ABR: variants seen among roughly 807,000 people sequenced by gnomAD.
ABR encodes the protein ABR activator of RhoGEF and GTPase.
Under a neutral mutation model 107.2 loss-of-function variants are expected in ABR, and 35 were observed. That is an observed-to-expected ratio of 0.33 (90% confidence interval 0.25 to 0.43). The LOEUF (loss-of-function observed/expected upper bound fraction) is 0.43, where lower values mean the gene tolerates loss of function less well. Ranked by LOEUF, ABR falls within the 20% of genes least tolerant of loss-of-function variation. The pLI is 1.00. For synonymous variants in ABR, 498 were observed against 462.0 expected (o/e 1.08, Z -1.00); for missense variants, 815 against 1,115.2 (o/e 0.73, Z 3.83).
At chr17:1,080,385 T>A (rs960648162) in intron 5 of ABR, among the ~76,000 whole-genome samples, 1 of 152,174 alleles carries the variant, frequency 6.6e-6, no homozygotes, top group African/African-American at 2.4e-5. Context: ...AGCCTCTTTA[T>A]CCTCCTTTAG....
At chr17:1,137,539 C>T (rs992389285) in intron 1 of ABR, among the ~76,000 whole-genome samples, 1 of 152,122 alleles carries the variant, frequency 6.6e-6, no homozygotes, top group Non-Finnish European at 1.5e-5. Context: ...TGAAGGTTGC[C>T]GGGTCCGGTC....
intron 2 of ABR, among the ~76,000 whole-genome samples, chr17:1,105,003 CTTTT>C (rs748696872): frequency 8.0e-6 from 1 of 125,762 alleles, no homozygotes; most frequent in African/African-American, 3.2e-5. Flanking sequence ...TTTACAGTAA[CTTTT>C]TTTTTTTTTT....
At chr17:1,212,095 A>C (rs989287940) in intron 1 of ABR, among the ~76,000 whole-genome samples, 2 of 149,458 alleles carry the variant, frequency 1.3e-5, no homozygotes, top group South Asian at 2.1e-4. Flanking sequence ...AAAAAAAAAA[A>C]ATTACTATAA....
chr17:1,117,989 C>T (rs1378080571), intron 2 of ABR, among the ~76,000 whole-genome samples: 998 of 35,740 alleles, frequency 0.028, 3 homozygotes, highest in Admixed American at 0.039. Context: ...GCCTGAGTTC[C>T]TCCCAGCGTT....
intron 1 of ABR, among the ~76,000 whole-genome samples, chr17:1,163,283 C>T (rs963127702): frequency 6.6e-6 from 1 of 152,196 alleles, no homozygotes; most frequent in East Asian, 1.9e-4. Context: ...TCAATCGCAT[C>T]GTGATTTTTT....
chr17:1,145,340 G>A (rs1330627914), intron 1 of ABR, among the ~76,000 whole-genome samples: 7 of 152,220 alleles, frequency 4.6e-5, no homozygotes. Flanking sequence ...CCTTATTAGA[G>A]TTAACAGCTT....
At chr17:1,018,047 A>G (rs562366614) in intron 16 of ABR, among the ~76,000 whole-genome samples, 1 of 150,028 alleles carries the variant, frequency 6.7e-6, no homozygotes, top group South Asian at 2.1e-4. Flanking sequence ...TTTTTTATTT[A>G]TTTATTTATT....
chr17:1,141,861 C>G (rs2040300818), intron 1 of ABR, among the ~76,000 whole-genome samples: 1 of 151,928 alleles, frequency 6.6e-6, no homozygotes, highest in Non-Finnish European at 1.5e-5. Context: ...CCGGTTCAAG[C>G]AATTCTCCTG....
At chr17:1,220,960 T>C (rs1248095025) in intron 1 of ABR, among the ~76,000 whole-genome samples, 1 of 152,154 alleles carries the variant, frequency 6.6e-6, no homozygotes, top group African/African-American at 2.4e-5. Context: ...ACAGTAAACA[T>C]GTAAAAGGCT....
chr17:1,135,742 G>A (rs1178999105), intron 1 of ABR, among the ~76,000 whole-genome samples: 1 of 152,162 alleles, frequency 6.6e-6, no homozygotes, highest in Non-Finnish European at 1.5e-5. Flanking sequence ...TGGGCTTGGT[G>A]GCAGGTGCCT....
At chr17:1,226,120 G>C (rs1015167427) in intron 1 of ABR, among the ~76,000 whole-genome samples, 1 of 152,162 alleles carries the variant, frequency 6.6e-6, no homozygotes, top group African/African-American at 2.4e-5. Flanking sequence ...CAGTGAATAA[G>C]ACCCACATGC....
At position 1,013,091 on chromosome 17, in the gene ABR, C is replaced by T; in HGVS notation, c.1851+14G>A. ...CCCGGCTCACGCCACTGATCATTCC[C>T]ATCCCCGGCTCACCCCGTTCATCTC... is the stretch of plus-strand genomic sequence containing the variant. On this transcript the variant is annotated intron_variant, in intron 17 of 22. Coordinates refer to ENST00000302538, the MANE Select transcript of ABR (RefSeq NM_021962.5). 1 of 1,613,882 alleles carries T rather than the reference C, an allele frequency of 6.2e-7. No homozygotes were observed. The highest frequency in any genetic ancestry group is 8.5e-7 in the Non-Finnish European group (1 of 1,179,822).
chr17:1,212,149 C>T (rs2042915186), intron 1 of ABR, among the ~76,000 whole-genome samples: 1 of 144,678 alleles, frequency 6.9e-6, no homozygotes, highest in African/African-American at 2.8e-5. Context: ...TACAAAGAGG[C>T]TGGGCATGGT....
Position 1,091,705 on chromosome 17 carries a change from C to A in ABR, c.491G>T (p.Trp164Leu), listed in dbSNP as rs1234076741. 6.2e-7 allele frequency: 1 copy of A among 1,614,142 alleles called. No homozygotes were observed. The highest frequency in any genetic ancestry group is 8.5e-7 in the Non-Finnish European group (1 of 1,179,998). ...YDNLCPKVQQ[W>L]DSQVTMGHLF... ...GTGGCCCATGGTGACCTGGCTGTCC[C>A]ACTGTTGCACCTTGGGGCACAGGTT... is the stretch of plus-strand genomic sequence containing the variant. The change falls in exon 4 of 23, where the codon TGG (tryptophan) becomes TTG (leucine). Residue 164 changes from tryptophan to leucine, a missense_variant. By Grantham distance (61) the Trp-to-Leu change is moderately conservative. Coordinates refer to ENST00000302538, the MANE Select transcript of ABR (RefSeq NM_021962.5).
At chr17:1,083,115 C>T (rs1158133792) in intron 5 of ABR, among the ~76,000 whole-genome samples, 1 of 123,926 alleles carries the variant, frequency 8.1e-6, no homozygotes, top group African/African-American at 3.1e-5. Context: ...CAGAGCAAGA[C>T]TCTGTCTCAA....
At chr17:1,176,160 G>A (rs1206016193) in intron 1 of ABR, among the ~76,000 whole-genome samples, 1 of 151,626 alleles carries the variant, frequency 6.6e-6, no homozygotes, top group African/African-American at 2.4e-5. Flanking sequence ...TAGGAGCAGA[G>A]AGCCACCAGC....
In ABR at chr17:1,125,242, G is replaced by A. The variant is rs761378002; in HGVS notation, c.187C>T (p.Arg63Cys). Residue 63 changes from arginine (R) to cysteine (C), a missense_variant, in exon 2 of 23, where the codon CGC becomes TGC. Arg to Cys is a radical substitution (Grantham distance 180). Transcript: ENST00000302538. ...SPTMSPQLSARSQGGGDGVSP... is the reference protein window; with the variant it reads ...SPTMSPQLSACSQGGGDGVSP... ...ACGCCATCCCCCCCGCCCTGGCTGC[G>A]GGCGCTGAGCTGCGGGGACATGGTG... 1.6e-5 allele frequency: 25 copies of A among 1,611,540 alleles called. No homozygotes were observed. The highest frequency in any genetic ancestry group is 1.7e-5 in the Non-Finnish European group (20 of 1,178,560).
chr17:1,226,856 A>G (rs956481138), intron 1 of ABR, among the ~76,000 whole-genome samples: 3 of 152,284 alleles, frequency 2.0e-5, no homozygotes, highest in Middle Eastern at 3.4e-3. Context: ...CCATGTATAT[A>G]CATGTGCTGC....
chr17:1,017,351 G>A (rs2071239527), intron 16 of ABR, among the ~76,000 whole-genome samples: 2 of 151,990 alleles, frequency 1.3e-5, no homozygotes, highest in South Asian at 4.1e-4. Context: ...CCGGGCCTGG[G>A]TCTGTCCCCA....
Sources: allele counts gnomAD v4.1 joint callset (sites outside exome capture counted in the v4.1 genomes callset), GRCh38; gene constraint gnomAD v4.1.1; transcripts MANE v1.5; gene names NCBI Gene and HGNC (gene_info 2026-07-23, HGNC 2026-07-21).